Variants in ASCC3 observed in about 807,000 individuals in gnomAD.
ASCC3 encodes the protein activating signal cointegrator 1 complex subunit 3.
ASCC3 carries 158 observed loss-of-function variants against 256.3 expected under a neutral mutation model. The observed-to-expected ratio is 0.62, with a 90% CI of 0.54 to 0.70. The LOEUF (loss-of-function observed/expected upper bound fraction) is 0.70, where lower values mean the gene tolerates loss of function less well. ASCC3 is among the 30% of genes least tolerant of loss of function. The pLI is 0.00. For missense variants in ASCC3, 2,259 were observed against 2,626.0 expected (o/e 0.86, Z 3.05); for synonymous variants, 948 against 883.4 (o/e 1.07, Z -1.30).
intron 36 of ASCC3, among the ~76,000 whole-genome samples, chr6:100,565,826 A>G (rs1023485205): frequency 6.6e-6 from 1 of 152,208 alleles, no homozygotes; most frequent in African/African-American, 2.4e-5. Context: ...ATCATGTTGC[A>G]GACCTTAAAT....
chr6:100,831,910 T>C (rs930602631), intron 4 of ASCC3, among the ~76,000 whole-genome samples: 3 of 151,932 alleles, frequency 2.0e-5, no homozygotes, highest in Admixed American at 1.3e-4. Flanking sequence ...CTGGTGGATA[T>C]AAAAAGAAAC....
At chr6:100,679,209 C>T (rs1412090868) in intron 14 of ASCC3, among the ~76,000 whole-genome samples, 7 of 136,544 alleles carry the variant, frequency 5.1e-5, no homozygotes, top group African/African-American at 1.7e-4. Flanking sequence ...CTTTACATTG[C>T]TTAAAAAAAA....
At chr6:100,864,310 G>A in intron 2 of ASCC3, 96 bp from the exon 3 acceptor site, 1 of 1,100,030 alleles carries the variant, frequency 9.1e-7, no homozygotes, top group Non-Finnish European at 1.3e-6. Flanking sequence ...ATACAACTTG[G>A]TACTACCCAC....
chr6:100,585,272 T>C (rs373650966), intron 36 of ASCC3, among the ~76,000 whole-genome samples: 2,342 of 152,280 alleles, frequency 0.015, 24 homozygotes, highest in East Asian at 0.044. Context: ...GGAGGCTTTG[T>C]TCGTTTCTTT....
chr6:100,857,625 G>A (rs1026962607), intron 3 of ASCC3: 1 of 151,756 alleles, frequency 6.6e-6, no homozygotes, highest in Non-Finnish European at 1.5e-5. Context: ...TCTCACTATT[G>A]TTTGGCCTTC....
At chr6:100,818,286 T>C (rs1770851717) in intron 4 of ASCC3, among the ~76,000 whole-genome samples, 1 of 152,066 alleles carries the variant, frequency 6.6e-6, no homozygotes, top group Non-Finnish European at 1.5e-5. Flanking sequence ...AATCCACAGC[T>C]GGCCAGGCAC....
At chr6:100,709,650 G>A (rs1778776274) in intron 13 of ASCC3, among the ~76,000 whole-genome samples, 1 of 152,088 alleles carries the variant, frequency 6.6e-6, no homozygotes, top group African/African-American at 2.4e-5. Flanking sequence ...TGAAGACCAT[G>A]TAGAAACATT....
intron 8 of ASCC3, among the ~76,000 whole-genome samples, chr6:100,789,253 C>A (rs9404049): frequency 0.55 from 83,247 of 151,572 alleles, 23,216 homozygotes; most frequent in South Asian, 0.75. Context: ...TACATGAGAT[C>A]TGAAGCTCAG....
chr6:100,783,642 GAGA>G (rs1782551656), intron 8 of ASCC3, among the ~76,000 whole-genome samples: 1 of 150,502 alleles, frequency 6.6e-6, no homozygotes, highest in Non-Finnish European at 1.5e-5. Flanking sequence ...AAAGAAACCA[GAGA>G]AGATCTTACA....
At chr6:100,826,012 C>G (rs149192759) in intron 4 of ASCC3, among the ~76,000 whole-genome samples, 1 of 151,970 alleles carries the variant, frequency 6.6e-6, no homozygotes, top group African/African-American at 2.4e-5. Context: ...CTGAACACAG[C>G]ACAAAATGGT....
At chr6:100,629,957 G>GC (rs1351106647) in intron 26 of ASCC3, among the ~76,000 whole-genome samples, 1 of 151,866 alleles carries the variant, frequency 6.6e-6, no homozygotes, top group African/African-American at 2.4e-5. Flanking sequence ...GAGTGTAGTG[G>GC]CTTGATCTCA....
chr6:100,879,835 T>C (rs1435087559), intron 1 of ASCC3, among the ~76,000 whole-genome samples: 1 of 152,204 alleles, frequency 6.6e-6, no homozygotes, highest in Non-Finnish European at 1.5e-5. Flanking sequence ...GATCATCTGT[T>C]CCCCTTTCAA....
intron 41 of ASCC3, among the ~76,000 whole-genome samples, 161 bp downstream of exon 41, chr6:100,509,771 C>G (rs554544074): frequency 5.3e-5 from 8 of 152,000 alleles, no homozygotes; most frequent in African/African-American, 1.9e-4. Context: ...GCCTGTAGTC[C>G]CAGCTACTCG....
intron 37 of ASCC3, among the ~76,000 whole-genome samples, chr6:100,539,626 A>G (rs1300834422): frequency 6.6e-6 from 1 of 152,012 alleles, no homozygotes. Flanking sequence ...TTGAATACAC[A>G]CCTCCAGAGA....
intron 36 of ASCC3, among the ~76,000 whole-genome samples, chr6:100,554,600 C>T (rs1480758265): frequency 6.6e-6 from 1 of 152,152 alleles, no homozygotes; most frequent in Non-Finnish European, 1.5e-5. Flanking sequence ...TAATTTGTAA[C>T]ATTCTGAGGC....
intron 13 of ASCC3, among the ~76,000 whole-genome samples, chr6:100,714,422 T>C (rs1230143185): frequency 2.6e-5 from 4 of 152,170 alleles, no homozygotes; most frequent in Non-Finnish European, 4.4e-5. Flanking sequence ...AAGAAAGTGA[T>C]ATGTCACAAT....
chr6:100,596,052 A>C (rs1222070973), intron 34 of ASCC3, among the ~76,000 whole-genome samples: 1 of 152,014 alleles, frequency 6.6e-6, no homozygotes, highest in Non-Finnish European at 1.5e-5. Context: ...GTTTTATTAC[A>C]TTTGTATTTT....
chr6:100,534,370 T>C (rs1775064417), intron 37 of ASCC3, among the ~76,000 whole-genome samples: 1 of 152,238 alleles, frequency 6.6e-6, no homozygotes, highest in South Asian at 2.1e-4. Flanking sequence ...AATTTGAACA[T>C]TTAGACAACT....
intron 24 of ASCC3, among the ~76,000 whole-genome samples, chr6:100,639,831 G>A (rs893404538): frequency 1.3e-5 from 2 of 152,090 alleles, no homozygotes; most frequent in African/African-American, 4.8e-5. Context: ...ACTGAAAATT[G>A]AGGCCGGGAG....
Sources: allele counts gnomAD v4.1 joint callset (sites outside exome capture counted in the v4.1 genomes callset), GRCh38; gene constraint gnomAD v4.1.1; transcripts MANE v1.5; gene names NCBI Gene and HGNC (gene_info 2026-07-23, HGNC 2026-07-21).